The following SRCAP variants were observed in gnomAD, a reference collection of about 807,000 sequenced individuals.
The protein encoded by SRCAP is chromatin remodeling protein SRCAP.
Under a neutral mutation model 263.1 loss-of-function variants are expected in SRCAP, and 46 were observed. That is an observed-to-expected ratio of 0.17 (90% CI 0.14 to 0.22). The LOEUF (loss-of-function observed/expected upper bound fraction) is 0.22, where lower values mean the gene tolerates loss of function less well. Among genes scored for constraint, SRCAP ranks in the 10% least tolerant of loss-of-function variants. SRCAP has a pLI of 1.00. For synonymous variants in SRCAP, 1,813 were observed against 1,662.1 expected (o/e 1.09, Z -2.21); for missense variants, 3,695 against 4,181.9 (o/e 0.88, Z 3.21).
At position 30,710,132 on chromosome 16, in the gene SRCAP, T is replaced by C. The variant is rs775919302; in HGVS notation, c.1134+4T>C. The C allele has an allele frequency of 1.9e-6, 3 of 1,611,862 alleles. No individual in the cohort carries two copies. The highest frequency in any genetic ancestry group is 1.7e-5 in the Admixed American group (1 of 59,906). ...AGAGCCCCCTCAGGTGTTGGAGGTA[T>C]AGGCAGAAGGAGCAGAGGGAGGGTT... On this transcript the variant is annotated splice_donor_region_variant and intron_variant, in intron 8 of 33. Coordinates refer to ENST00000262518, the MANE Select transcript of SRCAP (RefSeq NM_006662.3).
At position 30,724,056 on chromosome 16, in the gene SRCAP, A is replaced by G. The variant is rs377089817; in HGVS notation, c.4632A>G (p.Ala1544=). ...GGTTGAACTCAACCGTGGCCCCAGC[A>G]TGCTCACCTGTCCTGGTGCCAGCTT... ...VPGLNSTVAP[A]CSPVLVPASA... The change falls in exon 25 of 34, where the codon GCA becomes GCG. Residue 1544 remains alanine (A), a synonymous_variant. Transcript: ENST00000262518. 2.5e-6 allele frequency: 4 copies of G among 1,613,726 alleles called. No individual in the cohort carries two copies. The Admixed American group carries it at 6.7e-5, about 27-fold the overall frequency.
chr16:30,712,559 G>C, intron 13 of SRCAP, 120 bp downstream of exon 13: 1 of 1,533,140 alleles, frequency 6.5e-7, no homozygotes, highest in African/African-American at 1.4e-5. Flanking sequence ...ACTGTATAGA[G>C]AGGACAGTGT....
intron 4 of SRCAP, among the ~76,000 whole-genome samples, chr16:30,705,567 A>AT (rs1469537420): frequency 6.8e-6 from 1 of 148,008 alleles, no homozygotes; most frequent in East Asian, 2.1e-4. Context: ...ACCCGGCTAA[A>AT]TTTTTTGTAT....
intron 27 of SRCAP, among the ~76,000 whole-genome samples, chr16:30,730,059 G>A (rs986728537): frequency 1.3e-5 from 2 of 152,224 alleles, no homozygotes; most frequent in African/African-American, 4.8e-5. Context: ...GAGCCACCAT[G>A]CCCGGCCATG....
intron 31 of SRCAP, among the ~76,000 whole-genome samples, chr16:30,735,381 C>T (rs1226951464): frequency 4.6e-5 from 7 of 151,406 alleles, no homozygotes; most frequent in African/African-American, 7.3e-5. Context: ...CTCCTGACCT[C>T]GTGATCCGCC....
At chr16:30,720,606 C>G in intron 19 of SRCAP, 107 bp from the exon 20 acceptor site, 1 of 1,339,894 alleles carries the variant, frequency 7.5e-7, no homozygotes, top group African/African-American at 1.5e-5. Context: ...CTTTCCTTTT[C>G]TTTGCTTTTA....
chr16:30,699,701 ACTTT>A (rs1175191306), intron 1 of SRCAP, among the ~76,000 whole-genome samples: 2 of 151,522 alleles, frequency 1.3e-5, no homozygotes, highest in East Asian at 1.9e-4. Context: ...AAATTTTTGA[ACTTT>A]CTTTCTTCAC....
At position 30,720,148 on chromosome 16, in the gene SRCAP, C is replaced by T. The variant is rs772960320; in HGVS notation, c.2818-14C>T. ...TTGTTCTTCTTTATGACTGTGCTTT[C>T]TTTCTTGTGGCAGCGGATAGACATG... On this transcript the variant is annotated splice_polypyrimidine_tract_variant and intron_variant, in intron 18 of 33. Coordinates refer to ENST00000262518, the MANE Select transcript of SRCAP (RefSeq NM_006662.3). 6 of 1,598,076 alleles carry T rather than the reference C, an allele frequency of 3.8e-6. No homozygotes were observed. In the African/African-American group the frequency reaches 6.7e-5, roughly 18 times the overall value.
chr16:30,706,307 A>AATTAGC (rs998568660), intron 4 of SRCAP, among the ~76,000 whole-genome samples: 1 of 152,132 alleles, frequency 6.6e-6, no homozygotes, highest in African/African-American at 2.4e-5. Flanking sequence ...AATACAAAAA[A>AATTAGC]ATTAGCTGGG....
chr16:30,704,547 T>C (rs181629129), intron 4 of SRCAP, among the ~76,000 whole-genome samples: 54 of 152,216 alleles, frequency 3.5e-4, no homozygotes, highest in Non-Finnish European at 2.2e-4. Flanking sequence ...GTTTAAGTTA[T>C]AGGAGCAAGG....
Position 30,713,192 on chromosome 16 carries a change from G to T in SRCAP, c.2131-16G>T. 2 of 1,612,176 alleles carry T rather than the reference G, an allele frequency of 1.2e-6. No individual in the cohort carries two copies. Among genetic ancestry groups the T allele is most frequent in the South Asian group, 2.2e-5 (2 of 91,054 alleles). ...TTCATCCCACTATCTGCTACTTTCT[G>T]TCTTTGATCCCTCAGGGCTGGACCA... On this transcript the variant is annotated splice_polypyrimidine_tract_variant and intron_variant, in intron 14 of 33. Transcript: ENST00000262518.
Position 30,737,302 on chromosome 16 carries a change from G to A in SRCAP, c.7262G>A (p.Arg2421His), listed in dbSNP as rs759306133. The change falls in exon 34 of 34, where the codon CGC becomes CAC. Residue 2421 changes from arginine (R) to histidine (H), a missense_variant. Around this residue, in one of 12 missense-constraint regions of SRCAP, gnomAD observed 1,207 missense variants for 1,142.9 expected, o/e 1.06. Coordinates refer to ENST00000262518, the MANE Select transcript of SRCAP (RefSeq NM_006662.3). Reference sequence around the variant, plus strand: ...CCTGTCATATCCGCCCATCAAACTCGCAGCACCACCACACCACCCCGCTGC... The same window carrying A: ...CCTGTCATATCCGCCCATCAAACTCACAGCACCACCACACCACCCCGCTGC... ...HTPVISAHQT[R>H]STTTPPRCSP... 15 of 1,613,980 alleles carry A rather than the reference G, an allele frequency of 9.3e-6. No homozygotes were observed. The Admixed American group carries it at 1.7e-4, about 18-fold the overall frequency.
intron 3 of SRCAP, among the ~76,000 whole-genome samples, chr16:30,702,058 A>G (rs2052772891): frequency 6.6e-6 from 1 of 150,962 alleles, no homozygotes; most frequent in Non-Finnish European, 1.5e-5. Context: ...GGTTCAAACA[A>G]TTCTTCTGCC....
At position 30,715,593 on chromosome 16, in the gene SRCAP, TCTTC is replaced by T. The variant is rs1230508479; in HGVS notation, c.2494-469_2494-466del. ...AAAAAAAAAAAAAGAAAACAGGAAG[TCTTC>T]CTTAACTATTACTTTTCCTTCATTT... On this transcript the variant is annotated intron_variant, in intron 16 of 33. Transcript: ENST00000262518. Among the ~76,000 whole-genome samples the T allele has an allele frequency of 2.6e-5, 4 of 151,270 alleles. No individual in the cohort carries two copies. The East Asian group carries it at 7.7e-4, about 29-fold the overall frequency.
Position 30,738,981 on chromosome 16 carries a change from C to G in SRCAP, c.8941C>G (p.Leu2981Val). Residue 2981 changes from leucine to valine, a missense_variant, in exon 34 of 34, where the codon CTG becomes GTG. Around this residue, in one of 12 missense-constraint regions of SRCAP, gnomAD observed 1,207 missense variants for 1,142.9 expected, o/e 1.06. Transcript: ENST00000262518. ...HPSPLTPLPP[L>V]LVCPTATVAN... is the part of the protein sequence containing the mutation. ...ATCACCCCTAACCCCACTCCCACCA[C>G]TGCTAGTTTGTCCCACTGCTACTGT... 10 of 1,613,882 alleles carry G rather than the reference C, an allele frequency of 6.2e-6. No homozygotes were observed. Among genetic ancestry groups the G allele is most frequent in the Non-Finnish European group, 8.5e-6 (10 of 1,179,872 alleles).
chr16:30,713,023 G>C (rs948392362), intron 14 of SRCAP, among the ~76,000 whole-genome samples, 185 bp from the exon 15 acceptor site: 1 of 152,072 alleles, frequency 6.6e-6, no homozygotes, highest in African/African-American at 2.4e-5. Context: ...ACCTCCCAAA[G>C]TACTGAGACT....
chr16:30,700,195 A>G (rs2052749696), intron 2 of SRCAP, among the ~76,000 whole-genome samples: 1 of 152,240 alleles, frequency 6.6e-6, no homozygotes. Context: ...CAGGAAGAGT[A>G]GCAGGTTTTC....
At chr16:30,714,045 C>T (rs1244520935) in intron 16 of SRCAP, among the ~76,000 whole-genome samples, 1 of 151,352 alleles carries the variant, frequency 6.6e-6, no homozygotes, top group African/African-American at 2.4e-5. Flanking sequence ...CTACAGGCAC[C>T]CGCCACAAAG....
Position 30,737,925 on chromosome 16 carries a change from G to A in SRCAP, c.7885G>A (p.Glu2629Lys), listed in dbSNP as rs1292951839. 1.9e-6 allele frequency: 3 copies of A among 1,614,224 alleles called. No individual in the cohort carries two copies. In the Admixed American group the frequency reaches 5.0e-5, roughly 27 times the overall value. The part of the protein sequence containing the change: ...GQEQEAPDSA[E>K]GTTLTVLPEG... ...AGAGCAGGAGGCACCAGATTCTGCT[G>A]AGGGGACCACCCTTACAGTGCTGCC... The change falls in exon 34 of 34, where the codon GAG becomes AAG. Residue 2629 changes from glutamate to lysine, a missense_variant. Around this residue, in one of 12 missense-constraint regions of SRCAP, gnomAD observed 1,207 missense variants for 1,142.9 expected, o/e 1.06. Transcript: ENST00000262518.
Sources: allele counts gnomAD v4.1 joint callset (sites outside exome capture counted in the v4.1 genomes callset), GRCh38; gene constraint gnomAD v4.1.1; regional missense constraint gnomAD v4.1.1; transcripts MANE v1.5; gene names NCBI Gene and HGNC (gene_info 2026-07-23, HGNC 2026-07-21).